Variants in PCDH15 observed in about 807,000 individuals in gnomAD.
PCDH15 encodes protocadherin related 15, also known as protocadherin-15.
In PCDH15, 129 loss-of-function variants were observed where a neutral mutation model predicts 178.5. The ratio of observed to expected loss-of-function variants is 0.72; its 90% CI spans 0.63 to 0.84. The LOEUF is 0.84. Ranked by LOEUF, PCDH15 falls within the 40% of genes least tolerant of loss-of-function variation. The pLI is 0.00. For missense variants in PCDH15, 2,230 were observed against 2,099.9 expected (o/e 1.06, Z -1.21); for synonymous variants, 800 against 732.0 (o/e 1.09, Z -1.50).
chr10:54,457,473 A>G (rs1424015050), intron 3 of PCDH15, among the ~76,000 whole-genome samples: 1 of 152,110 alleles, frequency 6.6e-6, no homozygotes, highest in Non-Finnish European at 1.5e-5. Flanking sequence ...ATATTGCACC[A>G]TTTCAGAATT....
At chr10:54,715,446 A>G (rs374035298) in intron 1 of PCDH15, among the ~76,000 whole-genome samples, 1 of 152,162 alleles carries the variant, frequency 6.6e-6, no homozygotes, top group East Asian at 1.9e-4. Flanking sequence ...AAAACAGTGC[A>G]TAAAGATTGA....
At chr10:54,381,599 A>G (rs1046703303) in intron 3 of PCDH15, among the ~76,000 whole-genome samples, 3 of 152,164 alleles carry the variant, frequency 2.0e-5, no homozygotes, top group Admixed American at 1.3e-4. Context: ...ACAACACTAA[A>G]TAAGAAAACT....
chr10:54,903,556 C>A (rs1591773224), intron 2 of PCDH15, among the ~76,000 whole-genome samples: 1 of 149,864 alleles, frequency 6.7e-6, no homozygotes, highest in East Asian at 2.0e-4. Context: ...GAAACTAAAC[C>A]TATTTTTTGC....
At chr10:54,827,977 G>T (rs923466453) in intron 3 of PCDH15, among the ~76,000 whole-genome samples, 2 of 151,864 alleles carry the variant, frequency 1.3e-5, no homozygotes, top group Non-Finnish European at 2.9e-5. Context: ...ACATAGATAT[G>T]CAATCTTATG....
At chr10:55,334,039 T>C (rs1420607187) in intron 2 of PCDH15, among the ~76,000 whole-genome samples, 1 of 151,360 alleles carries the variant, frequency 6.6e-6, no homozygotes, top group Admixed American at 6.6e-5. Flanking sequence ...TGATATTTTA[T>C]TTCTAATAAT....
chr10:54,060,879 T>C (rs1304842369), intron 18 of PCDH15, among the ~76,000 whole-genome samples: 1 of 151,942 alleles, frequency 6.6e-6, no homozygotes, highest in African/African-American at 2.4e-5. Context: ...AAGTCCGGGA[T>C]CCCTGTGTGG....
chr10:54,821,344 C>A (rs1246727828), intron 3 of PCDH15, among the ~76,000 whole-genome samples: 1 of 151,954 alleles, frequency 6.6e-6, no homozygotes, highest in Non-Finnish European at 1.5e-5. Flanking sequence ...ATTAGAACCT[C>A]AAGATGTTAG....
intron 2 of PCDH15, among the ~76,000 whole-genome samples, chr10:55,154,391 A>G (rs1395622950): frequency 6.6e-6 from 1 of 152,160 alleles, no homozygotes; most frequent in Non-Finnish European, 1.5e-5. Context: ...CAAATCAAGA[A>G]TAAAATATAC....
At chr10:55,065,380 A>G (rs942318413) in intron 2 of PCDH15, among the ~76,000 whole-genome samples, 12 of 152,094 alleles carry the variant, frequency 7.9e-5, no homozygotes, top group Non-Finnish European at 1.3e-4. Flanking sequence ...TTGACTTTGA[A>G]TCATTCAGGT....
At chr10:55,480,612 A>AG (rs1840159269) in intron 2 of PCDH15, among the ~76,000 whole-genome samples, 1 of 151,564 alleles carries the variant, frequency 6.6e-6, no homozygotes, top group Non-Finnish European at 1.5e-5. Context: ...TCTATAGCTC[A>AG]GTTTATATGA....
intron 1 of PCDH15, among the ~76,000 whole-genome samples, chr10:54,712,426 T>G (rs1390339781): frequency 6.6e-6 from 1 of 151,682 alleles, no homozygotes; most frequent in Non-Finnish European, 1.5e-5. Flanking sequence ...AATACTACAC[T>G]GATGGAAGAG....
At chr10:55,391,306 ATC>A (rs1837786990) in intron 2 of PCDH15, among the ~76,000 whole-genome samples, 2 of 151,364 alleles carry the variant, frequency 1.3e-5, no homozygotes, top group Non-Finnish European at 2.9e-5. Flanking sequence ...TCTTCTGCAC[ATC>A]TCTCTCTGGC....
chr10:54,856,606 T>A (rs955755314), intron 3 of PCDH15, among the ~76,000 whole-genome samples: 5 of 152,210 alleles, frequency 3.3e-5, no homozygotes, highest in African/African-American at 4.8e-5. Context: ...CCCTGATATT[T>A]ACTGATCTCT....
At chr10:54,914,287 TG>T (rs955578059) in intron 2 of PCDH15, among the ~76,000 whole-genome samples, 20 of 152,100 alleles carry the variant, frequency 1.3e-4, no homozygotes, top group African/African-American at 4.6e-4. Context: ...GAGATTTCAT[TG>T]TTTAAAAGGG....
At chr10:54,077,397 G>A (rs907684196) in intron 17 of PCDH15, among the ~76,000 whole-genome samples, 19 of 152,148 alleles carry the variant, frequency 1.2e-4, no homozygotes, top group African/African-American at 4.6e-4. Context: ...ATTATTAGTA[G>A]ATTGTGACTA....
chr10:54,368,567 C>G (rs774857363), intron 5 of PCDH15, among the ~76,000 whole-genome samples: 1 of 151,930 alleles, frequency 6.6e-6, no homozygotes, highest in Non-Finnish European at 1.5e-5. Flanking sequence ...AAACAACAAA[C>G]AAGCATGTCC....
upstream of PCDH15, among the ~76,000 whole-genome samples, chr10:55,322,733 AG>A (rs1171040222): frequency 1.3e-5 from 2 of 150,592 alleles, no homozygotes; most frequent in African/African-American, 2.4e-5. Flanking sequence ...AGAAGGTCAA[AG>A]GGTTCAAGAG....
chr10:55,365,424 G>C (rs1845330630), intron 2 of PCDH15, among the ~76,000 whole-genome samples: 3 of 152,122 alleles, frequency 2.0e-5, no homozygotes, highest in Admixed American at 1.3e-4. Flanking sequence ...ATAACAAGGA[G>C]CTGGAGCTTT....
At chr10:54,933,176 T>C (rs1327566269) in intron 2 of PCDH15, among the ~76,000 whole-genome samples, 1 of 150,764 alleles carries the variant, frequency 6.6e-6, no homozygotes, top group African/African-American at 2.4e-5. Context: ...AAGTACACTC[T>C]ATGATGTTCA....
Sources: allele counts gnomAD v4.1 joint callset (sites outside exome capture counted in the v4.1 genomes callset), GRCh38; gene constraint gnomAD v4.1.1; transcripts MANE v1.5; gene names NCBI Gene and HGNC (gene_info 2026-07-23, HGNC 2026-07-21).